ARHGAP26: variants seen among roughly 807,000 people sequenced by gnomAD.
ARHGAP26 encodes the protein rho GTPase-activating protein 26.
In ARHGAP26, 38 loss-of-function variants were observed where a neutral mutation model predicts 104.8. The observed-to-expected ratio is 0.36, with a 90% CI of 0.28 to 0.48. ARHGAP26 has a LOEUF of 0.48. ARHGAP26 is among the 20% of genes least tolerant of loss of function. ARHGAP26 has a pLI of 0.99. For missense variants in ARHGAP26, 704 were observed against 947.9 expected, an observed-to-expected ratio of 0.74 and a Z score of 3.38; for synonymous variants, 341 against 340.0, an observed-to-expected ratio of 1.00 and a Z score of -0.03.
At chr5:143,179,360 G>T (rs945892990) in intron 20 of ARHGAP26, among the ~76,000 whole-genome samples, 1 of 152,230 alleles carries the variant, frequency 6.6e-6, no homozygotes, top group African/African-American at 2.4e-5. Flanking sequence ...AGCGAAGAGA[G>T]CTGTGGGAGC....
intron 12 of ARHGAP26, among the ~76,000 whole-genome samples, chr5:143,026,803 T>TGGGGGTG (rs1182803644): frequency 6.2e-4 from 1 of 1,608 alleles, no homozygotes; most frequent in Non-Finnish European, 1.2e-3. Flanking sequence ...GTGGGGTGGG[T>TGGGGGTG]GGGGGTGGGG....
chr5:142,937,761 C>T (rs917974357), intron 11 of ARHGAP26, among the ~76,000 whole-genome samples: 1 of 151,712 alleles, frequency 6.6e-6, no homozygotes, highest in African/African-American at 2.4e-5. Flanking sequence ...ATCTTAGGAG[C>T]ATTATGCTAA....
At chr5:142,826,319 A>G (rs1767259267) in intron 1 of ARHGAP26, among the ~76,000 whole-genome samples, 1 of 152,180 alleles carries the variant, frequency 6.6e-6, no homozygotes, top group Admixed American at 6.5e-5. Context: ...TCCGGGGTGG[A>G]GGAGGCGCTG....
intron 20 of ARHGAP26, among the ~76,000 whole-genome samples, chr5:143,162,383 C>T (rs984090265): frequency 2.0e-5 from 3 of 152,052 alleles, no homozygotes; most frequent in African/African-American, 4.8e-5. Flanking sequence ...TGTCCTTAGT[C>T]ATCCCATGAC....
rs569430031 is a variant in ARHGAP26, at chr5:142,775,795, A to C, written c.154+4880A>C. 1.6e-3 allele frequency among the ~76,000 whole-genome samples: 248 copies of C among 152,348 alleles called. 2 individuals carry two copies. The highest frequency in any genetic ancestry group is 5.9e-3 in the African/African-American group (244 of 41,580). On this transcript the variant is annotated intron_variant, in intron 1 of 22. Coordinates refer to ENST00000645722, the MANE Select transcript of ARHGAP26 (RefSeq NM_001135608.3). ...TTCAAGGTTCATCCATGTTAATAGC[A>C]TGTGTTAGGATTTCATTTCTCTTCA...
At chr5:142,808,972 C>T (rs781225316) in intron 1 of ARHGAP26, among the ~76,000 whole-genome samples, 3 of 152,174 alleles carry the variant, frequency 2.0e-5, no homozygotes, top group African/African-American at 2.4e-5. Context: ...GGCACCTTGC[C>T]CATCAGATGG....
Position 143,207,186 on chromosome 5 carries a change from T to C in ARHGAP26, c.1989-12T>C. On this transcript the variant is annotated splice_polypyrimidine_tract_variant and intron_variant, in intron 20 of 22. Coordinates refer to ENST00000645722, the MANE Select transcript of ARHGAP26 (RefSeq NM_001135608.3). ...GTGTGCTGACAAGTTTTCTGGTTGT[T>C]ATGTCTTGCAGCCCCCCGAATCCAA... 1 of 1,610,920 alleles carries C rather than the reference T, an allele frequency of 6.2e-7. No individual in the cohort carries two copies. Among genetic ancestry groups the C allele is most frequent in the Non-Finnish European group, 8.5e-7 (1 of 1,178,158 alleles).
intron 20 of ARHGAP26, among the ~76,000 whole-genome samples, chr5:143,195,285 T>G (rs1806644508): frequency 6.6e-6 from 1 of 152,198 alleles, no homozygotes; most frequent in Non-Finnish European, 1.5e-5. Flanking sequence ...AATATTATAG[T>G]AGGCTCCTTA....
At chr5:143,043,861 G>T (rs1349587983) in intron 14 of ARHGAP26, among the ~76,000 whole-genome samples, 1 of 152,234 alleles carries the variant, frequency 6.6e-6, no homozygotes. Flanking sequence ...AGATTGAGTA[G>T]TGTAGTGAAG....
intron 10 of ARHGAP26, among the ~76,000 whole-genome samples, chr5:142,922,439 TG>T (rs1763326897): frequency 1.3e-5 from 2 of 152,172 alleles, no homozygotes; most frequent in African/African-American, 4.8e-5. Context: ...TGTGTGTGTG[TG>T]TGTTTTCTGT....
chr5:143,109,810 C>T (rs1007553717), intron 17 of ARHGAP26, among the ~76,000 whole-genome samples: 2 of 152,088 alleles, frequency 1.3e-5, no homozygotes, highest in Non-Finnish European at 2.9e-5. Flanking sequence ...GAGACCTTTC[C>T]GAGTCTACAG....
At chr5:142,899,647 A>T (rs900692553) in intron 6 of ARHGAP26, among the ~76,000 whole-genome samples, 3 of 152,102 alleles carry the variant, frequency 2.0e-5, no homozygotes, top group African/African-American at 7.2e-5. Flanking sequence ...CGTGGGCTTC[A>T]TCCTGCCCCC....
chr5:142,888,771 C>G (rs993878653), intron 5 of ARHGAP26, among the ~76,000 whole-genome samples: 1 of 152,254 alleles, frequency 6.6e-6, no homozygotes, highest in Non-Finnish European at 1.5e-5. Context: ...TCAACAAATA[C>G]TCACTGGACG....
intron 17 of ARHGAP26, among the ~76,000 whole-genome samples, chr5:143,107,670 A>T (rs989445545): frequency 5.3e-5 from 8 of 152,176 alleles, no homozygotes; most frequent in Non-Finnish European, 1.0e-4. Context: ...TCTTGCTGAG[A>T]GTGTGAATGT....
At chr5:143,128,488 A>G (rs1315808961) in intron 18 of ARHGAP26, among the ~76,000 whole-genome samples, 5 of 152,330 alleles carry the variant, frequency 3.3e-5, no homozygotes, top group Admixed American at 1.3e-4. Context: ...CAAAATGCTG[A>G]TATCAACAGG....
chr5:142,776,493 A>G (rs1437999483), intron 1 of ARHGAP26, among the ~76,000 whole-genome samples: 2 of 152,234 alleles, frequency 1.3e-5, no homozygotes, highest in East Asian at 1.9e-4. Context: ...ATGGAATCAT[A>G]TAATATGTAG....
chr5:143,014,735 C>T (rs965431822), intron 12 of ARHGAP26, among the ~76,000 whole-genome samples: 1 of 152,130 alleles, frequency 6.6e-6, no homozygotes, highest in African/African-American at 2.4e-5. Flanking sequence ...TACCTGTAAC[C>T]TTGTAAAGGC....
chr5:143,024,176 T>C (rs1011142732), intron 12 of ARHGAP26, among the ~76,000 whole-genome samples: 16 of 152,174 alleles, frequency 1.1e-4, no homozygotes, highest in Admixed American at 7.9e-4. Context: ...TTTTTGCAGA[T>C]ATTTTATTAT....
At chr5:142,779,310 TTGTGTC>T (rs2151837228) in intron 1 of ARHGAP26, among the ~76,000 whole-genome samples, 1 of 152,260 alleles carries the variant, frequency 6.6e-6, no homozygotes, top group Non-Finnish European at 1.5e-5. Context: ...CATGGCATGT[TTGTGTC>T]TGGCTCATTT....
Sources: allele counts gnomAD v4.1 joint callset (sites outside exome capture counted in the v4.1 genomes callset), GRCh38; gene constraint gnomAD v4.1.1; transcripts MANE v1.5; gene names NCBI Gene and HGNC (gene_info 2026-07-23, HGNC 2026-07-21).